Variants in HOXC5 observed in about 807,000 individuals in gnomAD.
HOXC5 encodes the protein homeobox protein Hox-C5.
Under a neutral mutation model 20.1 loss-of-function variants are expected in HOXC5, and 19 were observed. That is an observed-to-expected ratio of 0.94 (90% confidence interval 0.66 to 1.38). The LOEUF (loss-of-function observed/expected upper bound fraction) is 1.38. Among genes scored for constraint, HOXC5 ranks in the 40% most tolerant of loss-of-function variants. The pLI, the probability that HOXC5 is intolerant of heterozygous loss-of-function variation, is 0.00. For missense variants in HOXC5, 330 were observed against 300.1 expected (o/e 1.10, Z -0.74); for synonymous variants, 124 against 117.0 (o/e 1.06, Z -0.39).
At chr12:54,025,388 A>C in the HOXC5 span, among the ~76,000 whole-genome samples, 1 of 152,118 alleles carries the variant, frequency 6.6e-6, no homozygotes, top group Admixed American at 6.5e-5. Context: ...AAGAAAATAT[A>C]ATCCAATGTA....
chr12:54,029,892 C>CGGA (rs147247423), upstream of HOXC5: 1 of 1,603,890 alleles, frequency 6.2e-7, no homozygotes, highest in African/African-American at 1.4e-5. Context: ...GGCGGAGGGG[C>CGGA]CACCGCCGAC....
chr12:54,034,691 G>A lies in HOXC5; in HGVS notation c.*199G>A. ...GGGTTCCCGCGGGGCTGTCGGCGCT[G>A]CCCCATCTCCCCTCAGCTCGGCTCA... On this transcript the variant is annotated 3_prime_UTR_variant, in exon 2 of 2. Coordinates refer to ENST00000312492, the MANE Select transcript of HOXC5 (RefSeq NM_018953.4). The A allele has an allele frequency of 3.5e-6, 2 of 575,484 alleles. No homozygotes were observed. Among genetic ancestry groups the A allele is most frequent in the Non-Finnish European group, 6.2e-6 (2 of 323,280 alleles). 35.6% of individuals were successfully genotyped at this position (575,484 alleles called of 1,614,324 possible).
the HOXC5 span, among the ~76,000 whole-genome samples, chr12:54,026,964 TG>T: frequency 0.21 from 26,782 of 127,078 alleles, 2,511 homozygotes; most frequent in African/African-American, 0.24. Flanking sequence ...CCAAAAATGG[TG>T]GGGGGGGGGG....
intron 1 of HOXC5, 63 bp from the exon 2 acceptor site, chr12:54,034,215 G>T: frequency 6.9e-7 from 1 of 1,455,872 alleles, no homozygotes. Context: ...GGCTGGGGTG[G>T]GGACGGGGGA....
the HOXC5 span, chr12:54,021,203 C>G: frequency 2.0e-5 from 3 of 152,272 alleles, no homozygotes. Flanking sequence ...CCCAGCCGGC[C>G]GCTCACCCCG....
At chr12:54,032,092 A>G (rs1941007049), upstream of HOXC5, among the ~76,000 whole-genome samples, 1 of 152,228 alleles carries the variant, frequency 6.6e-6, no homozygotes, top group Non-Finnish European at 1.5e-5. Flanking sequence ...CATAGGTACC[A>G]CATAAGGATC....
upstream of HOXC5, chr12:54,028,317 A>C (rs1940820516): frequency 7.5e-6 from 4 of 531,598 alleles, no homozygotes; most frequent in African/African-American, 1.9e-5. Flanking sequence ...ACTTAGTCTC[A>C]ACTAGGGAAT....
rs1273528088 is a variant in HOXC5, at chr12:54,034,382, G to C, written c.559G>C (p.Glu187Gln). The change falls in exon 2 of 2, where the codon GAG (glutamate) becomes CAG (glutamine). Residue 187 changes from glutamate (E) to glutamine (Q), a missense_variant. Coordinates refer to ENST00000312492, the MANE Select transcript of HOXC5 (RefSeq NM_018953.4). Reference protein sequence around the residue: ...NRYLTRRRRIEIANNLCLNER... With the variant: ...NRYLTRRRRIQIANNLCLNER... ...CTACCTCACTCGCCGCAGGCGCATA[G>C]AGATCGCCAACAACTTGTGTCTCAA... 3 of 1,614,026 alleles carry C rather than the reference G, an allele frequency of 1.9e-6. No individual in the cohort carries two copies. Among genetic ancestry groups the C allele is most frequent in the African/African-American group, 2.7e-5 (2 of 74,942 alleles).
At chr12:54,018,948 G>A in the HOXC5 span, among the ~76,000 whole-genome samples, 1 of 152,152 alleles carries the variant, frequency 6.6e-6, no homozygotes, top group Non-Finnish European at 1.5e-5. Flanking sequence ...CGCCTGTGGG[G>A]GGGCGGGGAT....
In HOXC5 at chr12:54,033,218, G is replaced by C; in HGVS notation, c.96G>C (p.Glu32Asp). 1 of 1,614,164 alleles carries C rather than the reference G, an allele frequency of 6.2e-7. No homozygotes were observed. The highest frequency in any genetic ancestry group is 8.5e-7 in the Non-Finnish European group (1 of 1,180,034). ...GTGGGAACTATGGATCGGCCTCAGAGGTGCAGGCATCCAGGTACTGCTACG... is the reference window on the plus strand; with the variant it reads ...GTGGGAACTATGGATCGGCCTCAGACGTGCAGGCATCCAGGTACTGCTACG... ...QTCGNYGSAS[E>D]VQASRYCYGG... Residue 32 changes from glutamate to aspartate, a missense_variant, in exon 1 of 2, where the codon GAG becomes GAC. Physicochemically the swap from Glu to Asp is conservative, Grantham distance 45 (BLOSUM62 2). Transcript: ENST00000312492.
chr12:54,029,445 A>T (rs1483537371), upstream of HOXC5, among the ~76,000 whole-genome samples: 1 of 102,310 alleles, frequency 9.8e-6, no homozygotes, highest in Non-Finnish European at 1.8e-5. Context: ...TCTTTGGGAC[A>T]CACAGGTCCC....
the HOXC5 span, among the ~76,000 whole-genome samples, chr12:54,025,845 G>T: frequency 2.6e-5 from 4 of 152,088 alleles, no homozygotes; most frequent in African/African-American, 4.8e-5. Context: ...CTCCAGACAT[G>T]GTTGAGGAGG....
the HOXC5 span, chr12:54,017,086 T>G: frequency 6.6e-6 from 1 of 151,996 alleles, no homozygotes; most frequent in Non-Finnish European, 1.5e-5. Context: ...GAGACAGAAG[T>G]TGAGGGCATC....
chr12:54,021,527 C>T, the HOXC5 span: 1 of 152,196 alleles, frequency 6.6e-6, no homozygotes, highest in African/African-American at 2.4e-5. Context: ...TGGAAAACCC[C>T]ATAAAAGAAA....
At chr12:54,029,773 G>A (rs1940910245), upstream of HOXC5, 1 of 1,614,138 alleles carries the variant, frequency 6.2e-7, no homozygotes, top group Non-Finnish European at 8.5e-7. Context: ...GGCGCATCGA[G>A]ATCGCCAACG....
chr12:54,021,304 G>A, the HOXC5 span: 1 of 152,218 alleles, frequency 6.6e-6, no homozygotes, highest in Non-Finnish European at 1.5e-5. Flanking sequence ...GATGAACTGC[G>A]TTTTAATCCT....
At chr12:54,033,662 G>A in intron 1 of HOXC5, 86 bp downstream of exon 1, 2 of 1,219,914 alleles carry the variant, frequency 1.6e-6, no homozygotes, top group Non-Finnish European at 2.2e-6. Context: ...AAAACCTGCG[G>A]CCATAAATTT....
chr12:54,019,754 G>C, the HOXC5 span, among the ~76,000 whole-genome samples: 37 of 152,134 alleles, frequency 2.4e-4, no homozygotes, highest in African/African-American at 8.0e-4. Context: ...CCCACAGCGA[G>C]ATTTGGAGGT....
At chr12:54,033,025 T>C (rs1383288776), upstream of HOXC5, 2 of 911,894 alleles carry the variant, frequency 2.2e-6, no homozygotes, top group African/African-American at 1.7e-5. Context: ...CACCTATAAA[T>C]TGTCCACTTT....
Sources: allele counts gnomAD v4.1 joint callset (sites outside exome capture counted in the v4.1 genomes callset), GRCh38; gene constraint gnomAD v4.1.1; transcripts MANE v1.5; gene names NCBI Gene and HGNC (gene_info 2026-07-23, HGNC 2026-07-21).